Variants in IL7 observed in about 807,000 individuals in gnomAD.
The protein encoded by IL7 is interleukin-7.
Under a neutral mutation model 21.6 loss-of-function variants are expected in IL7, and 3 were observed. The ratio of observed to expected loss-of-function variants is 0.14; its 90% CI spans 0.06 to 0.36. The LOEUF (loss-of-function observed/expected upper bound fraction) is 0.36. Among genes scored for constraint, IL7 ranks in the 10% least tolerant of loss-of-function variants. The probability of loss-of-function intolerance (pLI) is 1.00; values close to 1 mark genes in which losing one functional copy is unlikely to be tolerated. For synonymous variants in IL7, 62 were observed against 68.1 expected (o/e 0.91, Z 0.44); for missense variants, 175 against 200.2 (o/e 0.87, Z 0.76).
chr8:78,715,548 G>A (rs1811075283), downstream of IL7, among the ~76,000 whole-genome samples: 1 of 152,196 alleles, frequency 6.6e-6, no homozygotes, highest in South Asian at 2.1e-4. Flanking sequence ...AAGAACGTAT[G>A]TGATTTATGG....
At position 78,736,230 on chromosome 8, in the gene IL7, T is replaced by TA. The variant is rs3071812; in HGVS notation, c.414+243dup. Among the ~76,000 whole-genome samples, 324 of 146,452 alleles carry TA rather than the reference T, an allele frequency of 2.2e-3. 1 individual carries two copies. Among genetic ancestry groups the TA allele is most frequent in the East Asian group, 0.015 (74 of 5,034 alleles). On this transcript the variant is annotated intron_variant, in intron 5 of 5. Coordinates refer to ENST00000263851, the MANE Select transcript of IL7 (RefSeq NM_000880.4). Reference sequence around the variant, plus strand: ...TGCAATATTTTAATGCTGCTTCTTCTAAAAAAAAAAAAAATCATGCTTTTG... The same window carrying TA: ...TGCAATATTTTAATGCTGCTTCTTCTAAAAAAAAAAAAAAATCATGCTTTTG...
intron 2 of IL7, among the ~76,000 whole-genome samples, chr8:78,768,554 C>G (rs2130781789): frequency 6.6e-6 from 1 of 150,772 alleles, no homozygotes. Context: ...TGTTTTTTGG[C>G]TGCATAAATG....
rs1315380388 is a variant in IL7 at position 78,785,780 on chromosome 8, G to C, written c.147+12292C>G. ...GACCACTCTGTGCTGATATTTATTTGACTCCATATCTCATGATCCTCTTCT... is the reference window on the plus strand; with the variant it reads ...GACCACTCTGTGCTGATATTTATTTCACTCCATATCTCATGATCCTCTTCT... On this transcript the variant is annotated intron_variant, in intron 2 of 5. Transcript: ENST00000263851. Among the ~76,000 whole-genome samples the C allele has an allele frequency of 2.0e-5, 3 of 152,240 alleles. No individual in the cohort carries two copies. In the East Asian group the frequency reaches 5.8e-4, roughly 29 times the overall value.
At chr8:78,792,637 G>C (rs1294849460) in intron 2 of IL7, among the ~76,000 whole-genome samples, 1 of 152,024 alleles carries the variant, frequency 6.6e-6, no homozygotes, top group Non-Finnish European at 1.5e-5. Context: ...TCCAAAAGAA[G>C]ATATATAAAA....
intron 2 of IL7, among the ~76,000 whole-genome samples, chr8:78,775,831 A>G (rs984794894): frequency 6.6e-6 from 1 of 152,084 alleles, no homozygotes; most frequent in African/African-American, 2.4e-5. Flanking sequence ...GATACAGGAT[A>G]GTCAGGGCTT....
At chr8:78,699,462 C>CT (rs1299249274) in intron 3 of IL7, among the ~76,000 whole-genome samples, 1 of 151,932 alleles carries the variant, frequency 6.6e-6, no homozygotes, top group African/African-American at 2.4e-5. Context: ...ACATTATTTT[C>CT]TTTTTTTAAT....
chr8:78,715,265 G>A, downstream of IL7: 4 of 1,613,810 alleles, frequency 2.5e-6, no homozygotes, highest in Non-Finnish European at 3.4e-6. Flanking sequence ...AGTTTGGCAA[G>A]AAATCCTGCC....
intron 3 of IL7, among the ~76,000 whole-genome samples, chr8:78,693,451 G>T (rs1179683991): frequency 6.6e-6 from 1 of 152,294 alleles, no homozygotes; most frequent in East Asian, 1.9e-4. Context: ...GTATCTCATT[G>T]TGGTTTTGAT....
At chr8:78,703,736 C>T (rs190281232) in intron 3 of IL7, among the ~76,000 whole-genome samples, 3 of 152,220 alleles carry the variant, frequency 2.0e-5, no homozygotes, top group African/African-American at 7.2e-5. Context: ...TATCAAAATA[C>T]TTGCCACTCT....
chr8:78,712,695 T>G (rs1027054529), intron 3 of IL7, among the ~76,000 whole-genome samples: 1 of 151,608 alleles, frequency 6.6e-6, no homozygotes, highest in South Asian at 2.1e-4. Context: ...CTGAAAAGAG[T>G]GTGTGGCAAT....
chr8:78,745,941 T>C (rs1441757526), intron 2 of IL7, among the ~76,000 whole-genome samples: 1 of 152,178 alleles, frequency 6.6e-6, no homozygotes, highest in African/African-American at 2.4e-5. Context: ...CACATCACCT[T>C]CTTTGTGTGG....
At chr8:78,762,593 T>C (rs1490364487) in intron 2 of IL7, among the ~76,000 whole-genome samples, 1 of 151,472 alleles carries the variant, frequency 6.6e-6, no homozygotes, top group Non-Finnish European at 1.5e-5. Flanking sequence ...GGGTTCTTTT[T>C]TATATCTGTC....
intron 1 of IL7, among the ~76,000 whole-genome samples, chr8:78,802,310 A>T (rs1337529906): frequency 6.6e-6 from 1 of 152,232 alleles, no homozygotes; most frequent in Non-Finnish European, 1.5e-5. Context: ...TTCACTGATA[A>T]TTTAATTCCA....
chr8:78,739,523 C>A (rs1811707790), intron 3 of IL7, among the ~76,000 whole-genome samples: 1 of 152,076 alleles, frequency 6.6e-6, no homozygotes, highest in Non-Finnish European at 1.5e-5. Flanking sequence ...GAAACCCCGT[C>A]TCCACTAAAA....
chr8:78,701,287 T>C (rs1349273761), intron 3 of IL7, among the ~76,000 whole-genome samples: 1 of 152,252 alleles, frequency 6.6e-6, no homozygotes, highest in Admixed American at 6.5e-5. Context: ...GATTTGGCTC[T>C]CTGCTTAGCT....
chr8:78,679,016 A>G (rs908258858), intron 4 of IL7: 1 of 159,780 alleles, frequency 6.3e-6, no homozygotes, highest in African/African-American at 2.4e-5. Flanking sequence ...ATATAACTTA[A>G]GTTTTGATTC....
At chr8:78,764,006 G>C (rs1456629234) in intron 2 of IL7, among the ~76,000 whole-genome samples, 1 of 152,164 alleles carries the variant, frequency 6.6e-6, no homozygotes, top group East Asian at 1.9e-4. Flanking sequence ...CCACAATTGA[G>C]TGGATTTAAT....
chr8:78,794,765 A>G (rs977742144), intron 2 of IL7, among the ~76,000 whole-genome samples: 4 of 152,088 alleles, frequency 2.6e-5, no homozygotes, highest in African/African-American at 7.2e-5. Flanking sequence ...GCAGACATCT[A>G]ACAAACAGGA....
downstream of IL7, among the ~76,000 whole-genome samples, chr8:78,714,240 CTT>C (rs1164922255): frequency 3.3e-5 from 5 of 152,100 alleles, no homozygotes; most frequent in Non-Finnish European, 7.4e-5. Context: ...CTTAGGGGCT[CTT>C]TACCTCATTT....
Sources: allele counts gnomAD v4.1 joint callset (sites outside exome capture counted in the v4.1 genomes callset), GRCh38; gene constraint gnomAD v4.1.1; transcripts MANE v1.5; gene names NCBI Gene and HGNC (gene_info 2026-07-23, HGNC 2026-07-21).